Variants in E2F8 observed in about 807,000 individuals in gnomAD.
E2F8 encodes E2F transcription factor 8, also known as transcription factor E2F8.
E2F8 carries 35 observed loss-of-function variants against 80.8 expected under a neutral mutation model. The ratio of observed to expected loss-of-function variants is 0.43; its 90% CI spans 0.33 to 0.57. E2F8 has a LOEUF of 0.57. Ranked by LOEUF, E2F8 falls within the 20% of genes least tolerant of loss-of-function variation. The pLI is 0.04. For missense variants in E2F8, 975 were observed against 1,056.2 expected, an observed-to-expected ratio of 0.92 and a Z score of 1.07; for synonymous variants, 386 against 395.0, an observed-to-expected ratio of 0.98 and a Z score of 0.27.
At position 19,235,663 on chromosome 11, in the gene E2F8, AAAC is replaced by A. The variant is rs1256041010; in HGVS notation, c.452-608_452-606del. On this transcript the variant is annotated intron_variant, in intron 4 of 12. Coordinates refer to ENST00000250024, the MANE Select transcript of E2F8 (RefSeq NM_024680.4). ...GACTCCGTCTCAAAAACAAACAAAC[AAAC>A]AAAAAAAAAAAACGATGAGAAAACA... Among the ~76,000 whole-genome samples the A allele has an allele frequency of 7.1e-3, 533 of 75,360 alleles. 1 individual carries two copies. Among genetic ancestry groups the A allele is most frequent in the African/African-American group, 0.029 (495 of 16,860 alleles). The allele number at this position is 75,360 out of a possible 152,430, so 49.4% of individuals were successfully genotyped here.
At chr11:19,237,624 C>T (rs546853079) in intron 3 of E2F8, among the ~76,000 whole-genome samples, 154 bp from the exon 4 acceptor site, 2 of 152,258 alleles carry the variant, frequency 1.3e-5, no homozygotes, top group African/African-American at 4.8e-5. Flanking sequence ...GGGGCCAGTA[C>T]AAAATGCTTG....
At chr11:19,230,523 A>G in intron 8 of E2F8, 108 bp downstream of exon 8, 2 of 1,328,468 alleles carry the variant, frequency 1.5e-6, no homozygotes, top group Non-Finnish European at 2.1e-6. Flanking sequence ...TTGGGTATAT[A>G]GATATTGAAA....
chr11:19,236,218 T>C (rs1194237883), intron 4 of E2F8, among the ~76,000 whole-genome samples: 1 of 152,208 alleles, frequency 6.6e-6, no homozygotes, highest in Non-Finnish European at 1.5e-5. Context: ...CTGATGTCCT[T>C]ACAGCTCCCT....
Position 19,229,326 on chromosome 11 carries a change from A to C in E2F8, c.1893+128T>G. On this transcript the variant is annotated intron_variant, in intron 10 of 12. Transcript: ENST00000250024. The surrounding 1 kb of genome is among the most constrained non-coding windows in gnomAD (Gnocchi z 4.3). ...AGCTGTTGAGGGCCTCACTTGGATT[A>C]TGGGATGCTAAGGAACAGTTCCTTG... 7.7e-7 allele frequency: 1 copy of C among 1,302,760 alleles called. No individual in the cohort carries two copies. Among genetic ancestry groups the C allele is most frequent in the Non-Finnish European group, 1.1e-6 (1 of 947,062 alleles). The allele number at this position is 1,302,760 out of a possible 1,614,324, so 80.7% of individuals were successfully genotyped here. A position where few individuals can be genotyped will look rare whatever the true frequency, so the allele number is the denominator to read the frequency against.
intron 2 of E2F8, among the ~76,000 whole-genome samples, chr11:19,238,855 T>G (rs1851590487): frequency 1.3e-5 from 2 of 152,224 alleles, no homozygotes; most frequent in South Asian, 4.1e-4. Flanking sequence ...CTTTTGCTAC[T>G]GAAAGTAATG....
intron 4 of E2F8, among the ~76,000 whole-genome samples, chr11:19,235,526 G>A (rs186857742): frequency 2.9e-4 from 44 of 152,302 alleles, no homozygotes; most frequent in African/African-American, 1.1e-3. Flanking sequence ...GCGGGTGCCT[G>A]TAGTCCCAGC....
chr11:19,231,477 G>A (rs1460245411), intron 7 of E2F8, among the ~76,000 whole-genome samples: 1 of 152,222 alleles, frequency 6.6e-6, no homozygotes, highest in Non-Finnish European at 1.5e-5. Context: ...CGCAAAGCCA[G>A]AGTGGCAGGG....
At position 19,240,108 on chromosome 11, in the gene E2F8, T is replaced by C. The variant is rs1247284359; in HGVS notation, c.14A>G (p.Lys5Arg). MENE[K>R]ENLFCEPHKR... Reference sequence around the variant, plus strand: ...ATGAATACTGAAGTTATAAAGTACCTTTTCGTTCTCCATTCTGTAAATTCC... The same window carrying C: ...ATGAATACTGAAGTTATAAAGTACCCTTTCGTTCTCCATTCTGTAAATTCC... The change falls in exon 2 of 13, where the codon AAG becomes AGG. Residue 5 changes from lysine to arginine, a missense_variant and splice_region_variant. Transcript: ENST00000250024. 2 of 1,529,810 alleles carry C rather than the reference T, an allele frequency of 1.3e-6. No homozygotes were observed. Among genetic ancestry groups the C allele is most frequent in the African/African-American group, 2.8e-5 (2 of 71,448 alleles). The allele number at this position is 1,529,810 out of a possible 1,614,324, so 94.8% of individuals were successfully genotyped here. A position where few individuals can be genotyped will look rare whatever the true frequency, so the allele number is the denominator to read the frequency against.
intron 2 of E2F8, among the ~76,000 whole-genome samples, chr11:19,239,085 TA>T (rs1212988290): frequency 6.6e-6 from 1 of 152,188 alleles, no homozygotes; most frequent in African/African-American, 2.4e-5. Flanking sequence ...GGAACAGCAA[TA>T]AGTAAAATAA....
intron 3 of E2F8, among the ~76,000 whole-genome samples, 165 bp downstream of exon 3, chr11:19,237,689 A>T (rs912819227): frequency 3.3e-5 from 5 of 152,220 alleles, no homozygotes; most frequent in Non-Finnish European, 7.3e-5. Flanking sequence ...CAGAATTCCC[A>T]GAGCTATATT....
upstream of E2F8, chr11:19,241,320 GGCCGCC>G (rs537182589): frequency 2.0e-4 from 31 of 156,010 alleles, no homozygotes; most frequent in East Asian, 3.8e-4. The surrounding 1 kb of genome is among the most constrained non-coding windows in gnomAD (Gnocchi z 4.5). Flanking sequence ...GGCGGGAAAC[GGCCGCC>G]GCCGCCGCCG....
In E2F8 at chr11:19,237,944, A is replaced by G. The variant is rs12291291; in HGVS notation, c.204T>C (p.Ser68=). 7.9e-4 allele frequency: 1,274 copies of G among 1,614,068 alleles called. 12 individuals are homozygous for G. The African/African-American group carries it at 0.015, about 19-fold the overall frequency. ...TPTANLKMLI[S]AVSPEIRNRD... is the part of the protein sequence containing the mutation. ...TGTTGCGGATCTCAGGGCTCACAGC[A>G]CTGATGAGCATTTTCAGGTTGGCTG... Residue 68 remains serine, a synonymous_variant, in exon 3 of 13, where the codon AGT becomes AGC. Transcript: ENST00000250024.
At chr11:19,231,842 C>T (rs1290172549) in intron 7 of E2F8, among the ~76,000 whole-genome samples, 4 of 152,138 alleles carry the variant, frequency 2.6e-5, no homozygotes, top group Admixed American at 6.5e-5. Flanking sequence ...TATTGCCATT[C>T]ATCTTGAATC....
At chr11:19,231,923 A>G (rs978395148) in intron 7 of E2F8, among the ~76,000 whole-genome samples, 4 of 152,194 alleles carry the variant, frequency 2.6e-5, no homozygotes, top group African/African-American at 7.2e-5. Context: ...ATATCTCCCA[A>G]TGTGCATTAA....
Position 19,225,299 on chromosome 11 carries a change from C to T in E2F8, c.2343G>A (p.Arg781=), listed in dbSNP as rs544026725. ...APENAGTQQG[R]ATNYDSPVPG... ...GGACTGGTGAGTCATAGTTGGTGGC[C>T]CTTCCTTGCTGAGTGCCTGCATTTT... Residue 781 remains arginine (R), a synonymous_variant, in exon 12 of 13, where the codon AGG becomes AGA. Coordinates refer to ENST00000250024, the MANE Select transcript of E2F8 (RefSeq NM_024680.4). The T allele has an allele frequency of 3.7e-6, 6 of 1,614,152 alleles. No homozygotes were observed. Among genetic ancestry groups the T allele is most frequent in the African/African-American group, 1.3e-5 (1 of 75,032 alleles).
upstream of E2F8, chr11:19,241,320 G>GGCC (rs537182589): frequency 2.9e-4 from 46 of 156,016 alleles, no homozygotes; most frequent in Middle Eastern, 3.3e-3. This position sits in a 1 kb window ranked among gnomAD's most constrained non-coding sequence, Gnocchi z 4.5. Context: ...GGCGGGAAAC[G>GGCC]GCCGCCGCCG....
chr11:19,225,221 C>T lies in E2F8; in HGVS notation c.2421G>A (p.Gln807=), dbSNP rs1851199199. The T allele has an allele frequency of 3.1e-6, 5 of 1,612,382 alleles. No individual in the cohort carries two copies. Among genetic ancestry groups the T allele is most frequent in the East Asian group, 2.2e-5 (1 of 44,874 alleles). Residue 807 remains glutamine, a splice_region_variant and synonymous_variant, in exon 12 of 13, where the codon CAG becomes CAA. Transcript: ENST00000250024. ...GQSVAVTGAQ[Q]PVPVTPKGSQ... ...TTAAATTAAGTAGAAAGCCTCTCAC[C>T]TGTTGTGCCCCTGTCACAGCAACTG...
intron 12 of E2F8, 60 bp downstream of exon 12, chr11:19,225,159 GAC>G (rs1851197304): frequency 4.5e-6 from 7 of 1,557,238 alleles, no homozygotes; most frequent in South Asian, 3.7e-5. Context: ...AATCTCTTAT[GAC>G]ACAGATACTT....
In E2F8 at chr11:19,234,754, T is replaced by A. The variant is rs765831217; in HGVS notation, c.756A>T (p.Glu252Asp). 2 of 1,610,160 alleles carry A rather than the reference T, an allele frequency of 1.2e-6. No homozygotes were observed. Among genetic ancestry groups the A allele is most frequent in the Non-Finnish European group, 1.7e-6 (2 of 1,177,470 alleles). ...DMCFVELPGV[E>D]FRAASVNSRK... is the part of the protein sequence containing the mutation. ...ACTACCATCTCTCACCTGCCCGAAA[T>A]TCCACTCCAGGGAGTTCCACAAAAC... The change falls in exon 5 of 13, where the codon GAA becomes GAT. Residue 252 changes from glutamate (E) to aspartate (D), a missense_variant. Glu to Asp is a conservative substitution (Grantham distance 45). Transcript: ENST00000250024.
Sources: allele counts gnomAD v4.1 joint callset (sites outside exome capture counted in the v4.1 genomes callset), GRCh38; gene constraint gnomAD v4.1.1; non-coding constraint Gnocchi (gnomAD v3.1); transcripts MANE v1.5; gene names NCBI Gene and HGNC (gene_info 2026-07-23, HGNC 2026-07-21).